Variants in EMCN observed in about 807,000 individuals in gnomAD.
EMCN encodes MUC-14.
Under a neutral mutation model 38.4 loss-of-function variants are expected in EMCN, and 37 were observed. The observed-to-expected ratio is 0.96, with a 90% confidence interval of 0.74 to 1.27. The LOEUF is 1.27. Among genes scored for constraint, EMCN ranks in the 50% most tolerant of loss-of-function variants. The pLI is 0.00. For synonymous variants in EMCN, 95 were observed against 100.8 expected, an observed-to-expected ratio of 0.94 and a Z score of 0.35; for missense variants, 318 against 302.8, an observed-to-expected ratio of 1.05 and a Z score of -0.37.
Position 100,517,998 on chromosome 4 carries a change from C to G in EMCN, c.-84G>C, listed in dbSNP as rs964391295. 21 of 1,352,280 alleles carry G rather than the reference C, an allele frequency of 1.6e-5. No homozygotes were observed. The African/African-American group carries it at 2.0e-4, about 13-fold the overall frequency. 83.8% of individuals were successfully genotyped at this position (1,352,280 alleles called of 1,614,324 possible). A position where few individuals can be genotyped will look rare whatever the true frequency, so the allele number is the denominator to read the frequency against. ...TCCCAGCCTGGCAGGGCCTTATTAGCAAATGGAAAAGGTGTAGTGAATGTG... is the reference window on the plus strand; with the variant it reads ...TCCCAGCCTGGCAGGGCCTTATTAGGAAATGGAAAAGGTGTAGTGAATGTG... On this transcript the variant is annotated 5_prime_UTR_variant, in exon 1 of 12. Coordinates refer to ENST00000296420, the MANE Select transcript of EMCN (RefSeq NM_016242.4).
chr4:100,490,790 T>C (rs939026596), intron 1 of EMCN, among the ~76,000 whole-genome samples: 3 of 152,214 alleles, frequency 2.0e-5, no homozygotes, highest in African/African-American at 7.2e-5. Flanking sequence ...ATGACTGTAC[T>C]AGGGTTCCGT....
At chr4:100,501,191 T>G (rs1215646942) in intron 1 of EMCN, among the ~76,000 whole-genome samples, 1 of 152,166 alleles carries the variant, frequency 6.6e-6, no homozygotes, top group Non-Finnish European at 1.5e-5. Context: ...CATTCCATAT[T>G]TAAGTCAATG....
intron 4 of EMCN, among the ~76,000 whole-genome samples, chr4:100,457,190 T>TTG (rs58939159): frequency 0.13 from 13,993 of 107,968 alleles, 969 homozygotes; most frequent in African/African-American, 0.27. Flanking sequence ...TATAGTTTGG[T>TTG]TGTGTGTGTG....
intron 5 of EMCN, among the ~76,000 whole-genome samples, chr4:100,434,725 G>A (rs1377697838): frequency 6.6e-6 from 1 of 152,154 alleles, no homozygotes; most frequent in African/African-American, 2.4e-5. Flanking sequence ...TTCAACATAA[G>A]CAAATCAATA....
chr4:100,399,689 T>A (rs1180047394), intron 11 of EMCN, among the ~76,000 whole-genome samples: 1 of 152,090 alleles, frequency 6.6e-6, no homozygotes, highest in African/African-American at 2.4e-5. Context: ...ACTGAACTAG[T>A]TTTTTAGGCA....
intron 2 of EMCN, among the ~76,000 whole-genome samples, chr4:100,475,659 CTTTTTTTTTTTTTTTTTTTTTTTT>C (rs869169290): frequency 1.7e-5 from 1 of 60,314 alleles, no homozygotes; most frequent in African/African-American, 8.4e-5. Context: ...AATTCTAGTC[CTTTTTTTTTTTTTTTTTTTTTTTT>C]TTTTTTTTTT....
intron 2 of EMCN, among the ~76,000 whole-genome samples, chr4:100,475,666 T>G (rs1305046320): frequency 0.11 from 1,268 of 11,030 alleles, 204 homozygotes; most frequent in Non-Finnish European, 0.21. Flanking sequence ...GTCCTTTTTT[T>G]TTTTTTTTTT....
At chr4:100,487,051 T>A (rs1728961014) in intron 1 of EMCN, 1 of 981,176 alleles carries the variant, frequency 1.0e-6, no homozygotes, top group African/African-American at 1.7e-5. Context: ...AGGCAAAGGT[T>A]ACATTTAATA....
At chr4:100,414,588 T>G (rs1020545253) in intron 10 of EMCN, among the ~76,000 whole-genome samples, 1 of 151,958 alleles carries the variant, frequency 6.6e-6, no homozygotes, top group Non-Finnish European at 1.5e-5. Flanking sequence ...GCAAAGGAGA[T>G]CTCTCCTAAA....
intron 2 of EMCN, among the ~76,000 whole-genome samples, chr4:100,477,356 C>G (rs1363819149): frequency 7.1e-6 from 1 of 139,988 alleles, no homozygotes; most frequent in Non-Finnish European, 1.6e-5. Flanking sequence ...TTAACTCCAG[C>G]CTTTTGGCCT....
rs141843371 is a variant in EMCN at position 100,424,299 on chromosome 4, T to C, written c.416-895A>G. ...AGTATGAAGTGCTCTATTTAAATCATGCCTGTTTGCCTTGCCTCTTCACTG... is the reference window on the plus strand; with the variant it reads ...AGTATGAAGTGCTCTATTTAAATCACGCCTGTTTGCCTTGCCTCTTCACTG... On this transcript the variant is annotated intron_variant, in intron 5 of 11. Transcript: ENST00000296420. 8.5e-5 allele frequency among the ~76,000 whole-genome samples: 13 copies of C among 152,268 alleles called. No homozygotes were observed. The East Asian group carries it at 2.5e-3, about 29-fold the overall frequency.
intron 6 of EMCN, 102 bp from the exon 7 acceptor site, chr4:100,423,182 T>C: frequency 7.3e-7 from 1 of 1,360,806 alleles, no homozygotes; most frequent in Non-Finnish European, 1.1e-6. Context: ...TTTGTAGGTA[T>C]GATGCTGCAA....
chr4:100,447,893 G>A (rs561400236), intron 4 of EMCN, among the ~76,000 whole-genome samples: 80 of 152,122 alleles, frequency 5.3e-4, no homozygotes, highest in African/African-American at 1.9e-3. Context: ...GAATAACTGT[G>A]TGCCAATAAA....
chr4:100,424,435 A>G (rs897772515), intron 5 of EMCN, among the ~76,000 whole-genome samples: 8 of 152,086 alleles, frequency 5.3e-5, no homozygotes, highest in Non-Finnish European at 1.2e-4. Flanking sequence ...GGCACTTCTT[A>G]TGATTATGGC....
chr4:100,426,160 T>A (rs1267163682), intron 5 of EMCN, among the ~76,000 whole-genome samples: 2 of 152,088 alleles, frequency 1.3e-5, no homozygotes, highest in African/African-American at 4.8e-5. Flanking sequence ...CCTATCAATG[T>A]CCCAAGGCAC....
chr4:100,464,214 CAT>C (rs1728255946), intron 4 of EMCN, among the ~76,000 whole-genome samples: 1 of 151,658 alleles, frequency 6.6e-6, no homozygotes, highest in Non-Finnish European at 1.5e-5. Context: ...CCACTGTTAA[CAT>C]ATAAAAATAT....
chr4:100,465,312 G>T (rs1482449593), intron 4 of EMCN, 111 bp downstream of exon 4: 7 of 623,162 alleles, frequency 1.1e-5, no homozygotes, highest in Non-Finnish European at 2.0e-5. Context: ...GAGATTAAGA[G>T]ACAATTTAAG....
intron 5 of EMCN, among the ~76,000 whole-genome samples, chr4:100,445,338 T>G (rs1321392024): frequency 1.3e-5 from 2 of 152,194 alleles, no homozygotes; most frequent in Non-Finnish European, 2.9e-5. Context: ...AATCCTTACT[T>G]ATTTTTAATC....
At chr4:100,500,237 C>T (rs983745660) in intron 1 of EMCN, among the ~76,000 whole-genome samples, 1 of 151,942 alleles carries the variant, frequency 6.6e-6, no homozygotes, top group Non-Finnish European at 1.5e-5. Context: ...TTCTTAAGAC[C>T]TTGAAGGATC....
Sources: gnomAD v4.1 joint callset for allele counts (sites outside exome capture counted in the v4.1 genomes callset) on GRCh38, gnomAD v4.1.1 for gene constraint, MANE v1.5 for transcripts, NCBI Gene and HGNC (gene_info 2026-07-23, HGNC 2026-07-21) for gene names.